FLACC1: variants seen among roughly 807,000 people sequenced by gnomAD.
FLACC1 encodes flagellum-associated coiled-coil domain-containing protein 1.
Under a neutral mutation model 62.8 loss-of-function variants are expected in FLACC1, and 66 were observed. The ratio of observed to expected loss-of-function variants is 1.05; its 90% CI spans 0.86 to 1.29. The LOEUF (loss-of-function observed/expected upper bound fraction) is 1.29, where lower values mean the gene tolerates loss of function less well. Among genes scored for constraint, FLACC1 ranks in the 50% most tolerant of loss-of-function variants. The pLI, the probability that FLACC1 is intolerant of heterozygous loss-of-function variation, is 0.00. For missense variants in FLACC1, 452 were observed against 489.1 expected (o/e 0.92, Z 0.71); for synonymous variants, 156 against 161.0 (o/e 0.97, Z 0.24).
At chr2:201,342,466 G>A (rs1312584257) in intron 6 of FLACC1, 35 bp from the exon 7 acceptor site, 3 of 1,607,164 alleles carry the variant, frequency 1.9e-6, no homozygotes, top group Non-Finnish European at 2.6e-6. Context: ...ACACAGGACT[G>A]AGGACCCTGT....
chr2:201,311,700 C>CAA (rs34119306), intron 9 of FLACC1, among the ~76,000 whole-genome samples: 25,035 of 112,998 alleles, frequency 0.22, 3,439 homozygotes, highest in African/African-American at 0.39. Flanking sequence ...GACACTGACT[C>CAA]AAAAAAAAAA....
Position 201,346,364 on chromosome 2 carries a change from GA to G in FLACC1, c.368+177del, listed in dbSNP as rs1950914005. Among the ~76,000 whole-genome samples, 1 of 152,220 alleles carries G rather than the reference GA, an allele frequency of 6.6e-6. No individual in the cohort carries two copies. The highest frequency in any genetic ancestry group is 6.5e-5 in the Admixed American group (1 of 15,284). On this transcript the variant is annotated intron_variant, in intron 5 of 14. Transcript: ENST00000392257. This position sits in a 1 kb window ranked among gnomAD's most constrained non-coding sequence, Gnocchi z 4.0. ...CGGATGGGATCAGAGCAGAGAGGCA[GA>G]TGTGGAGAGATGCATCATCAGGAAG... is the stretch of plus-strand genomic sequence containing the variant.
At chr2:201,353,947 T>C (rs1315586799) in intron 1 of FLACC1, among the ~76,000 whole-genome samples, 1 of 152,232 alleles carries the variant, frequency 6.6e-6, no homozygotes, top group Non-Finnish European at 1.5e-5. Context: ...AAAAATGTTA[T>C]AAGAATCAAT....
intron 9 of FLACC1, among the ~76,000 whole-genome samples, chr2:201,324,252 A>G (rs1258170412): frequency 2.0e-5 from 3 of 152,224 alleles, no homozygotes; most frequent in Non-Finnish European, 2.9e-5. Flanking sequence ...CAACAGTAAG[A>G]CAAGACAAAG....
chr2:201,305,734 C>A (rs1253428094), intron 11 of FLACC1, among the ~76,000 whole-genome samples: 1 of 152,204 alleles, frequency 6.6e-6, no homozygotes, highest in Non-Finnish European at 1.5e-5. Context: ...CACATATACA[C>A]CATGGAATAC....
Position 201,288,731 on chromosome 2 carries a change from C to A in FLACC1, c.1193G>T (p.Arg398Ile). 2 of 1,614,016 alleles carry A rather than the reference C, an allele frequency of 1.2e-6. No homozygotes were observed. The highest frequency in any genetic ancestry group is 1.7e-6 in the Non-Finnish European group (2 of 1,179,972). Residue 398 changes from arginine (R) to isoleucine (I), a missense_variant, in exon 15 of 15, where the codon AGA becomes ATA. By Grantham distance (97) the Arg-to-Ile change is moderately conservative (BLOSUM62 -3). Coordinates refer to ENST00000392257, the MANE Select transcript of FLACC1 (RefSeq NM_001127391.3). ...CTTAGAAACAGTAATAGAGGCCAAT[C>A]TCCCAGAACATCCTTCACAAATTTC... Reference protein sequence around the residue: ...NEEICEGCSGRLASITVSKDD... With the variant: ...NEEICEGCSGILASITVSKDD...
chr2:201,350,653 C>G, intron 3 of FLACC1, 58 bp downstream of exon 3: 1 of 1,448,720 alleles, frequency 6.9e-7, no homozygotes, highest in Non-Finnish European at 9.5e-7. Context: ...TGCACTCTAG[C>G]CTGGGCAACA....
intron 1 of FLACC1, among the ~76,000 whole-genome samples, chr2:201,356,337 T>A (rs1951116671): frequency 6.6e-6 from 1 of 152,144 alleles, no homozygotes; most frequent in African/African-American, 2.4e-5. Context: ...ATTTTTGTAT[T>A]TTTATAACGA....
At chr2:201,293,473 A>G (rs1433765068) in intron 12 of FLACC1, among the ~76,000 whole-genome samples, 1 of 152,256 alleles carries the variant, frequency 6.6e-6, no homozygotes, top group East Asian at 1.9e-4. Context: ...TTCAAAACCA[A>G]TGAGAACAAA....
intron 11 of FLACC1, among the ~76,000 whole-genome samples, chr2:201,303,998 C>A (rs1178779741): frequency 6.6e-6 from 1 of 152,194 alleles, no homozygotes; most frequent in Non-Finnish European, 1.5e-5. Context: ...AAACTGGAAG[C>A]ATTCCCTTTG....
intron 12 of FLACC1, among the ~76,000 whole-genome samples, chr2:201,296,224 G>T (rs1949857816): frequency 6.6e-6 from 1 of 152,034 alleles, no homozygotes; most frequent in Non-Finnish European, 1.5e-5. Flanking sequence ...TATGTTTATT[G>T]CGGCACTACT....
chr2:201,330,559 T>C, intron 8 of FLACC1, 37 bp from the exon 9 acceptor site: 4 of 1,601,596 alleles, frequency 2.5e-6, no homozygotes, highest in Non-Finnish European at 3.4e-6. Flanking sequence ...ATCATTAGTC[T>C]TCTGATATGC....
chr2:201,291,271 C>T (rs1481398360), intron 12 of FLACC1, among the ~76,000 whole-genome samples: 4 of 152,188 alleles, frequency 2.6e-5, no homozygotes, highest in Admixed American at 1.3e-4. Context: ...CTGGGAGGCA[C>T]CCCCCAGTAG....
intron 10 of FLACC1, among the ~76,000 whole-genome samples, 172 bp downstream of exon 10, chr2:201,308,979 C>A (rs1269706099): frequency 6.6e-6 from 1 of 152,076 alleles, no homozygotes; most frequent in Non-Finnish European, 1.5e-5. Context: ...AAGACCCTAC[C>A]CTTGTTGTCA....
chr2:201,298,836 G>A (rs1949918938), intron 12 of FLACC1, among the ~76,000 whole-genome samples: 1 of 152,184 alleles, frequency 6.6e-6, no homozygotes, highest in African/African-American at 2.4e-5. Flanking sequence ...TATCATGTGT[G>A]AGGTACATTC....
intron 11 of FLACC1, among the ~76,000 whole-genome samples, chr2:201,303,922 A>T (rs560302915): frequency 6.6e-6 from 1 of 152,330 alleles, no homozygotes; most frequent in East Asian, 1.9e-4. Flanking sequence ...TATTGATGGG[A>T]CGTATCTCAA....
At chr2:201,334,367 G>GCTAATATTTAATT (rs1950652994) in intron 7 of FLACC1, among the ~76,000 whole-genome samples, 1 of 152,138 alleles carries the variant, frequency 6.6e-6, no homozygotes, top group Non-Finnish European at 1.5e-5. Flanking sequence ...GCTGAATTCT[G>GCTAATATTTAATT]TTTGCTAATA....
intron 7 of FLACC1, among the ~76,000 whole-genome samples, chr2:201,340,444 T>A (rs375715134): frequency 4.6e-5 from 7 of 152,336 alleles, no homozygotes; most frequent in African/African-American, 1.7e-4. Context: ...TTAGAATATC[T>A]TGTTCTTGTA....
upstream of FLACC1, among the ~76,000 whole-genome samples, chr2:201,359,144 T>C (rs1272759088): frequency 6.6e-6 from 1 of 152,212 alleles, no homozygotes; most frequent in Non-Finnish European, 1.5e-5. Flanking sequence ...ATTGACTGGA[T>C]GCTGGGATGA....
Sources: gnomAD v4.1 joint callset for allele counts (sites outside exome capture counted in the v4.1 genomes callset) on GRCh38, gnomAD v4.1.1 for gene constraint, Gnocchi (gnomAD v3.1) non-coding constraint, MANE v1.5 for transcripts, NCBI Gene and HGNC (gene_info 2026-07-23, HGNC 2026-07-21) for gene names.